The following BMPR1A variants were observed in gnomAD, a reference collection of about 807,000 sequenced individuals.
BMPR1A encodes bone morphogenetic protein receptor type-1A.
BMPR1A carries 7 observed loss-of-function variants against 66.0 expected under a neutral mutation model. The observed-to-expected ratio is 0.11, with a 90% CI of 0.06 to 0.20. BMPR1A has a LOEUF of 0.20. Among genes scored for constraint, BMPR1A ranks in the 10% least tolerant of loss-of-function variants. BMPR1A has a pLI of 1.00. For missense variants in BMPR1A, 408 were observed against 669.1 expected (o/e 0.61, Z 4.31); for synonymous variants, 200 against 229.7 (o/e 0.87, Z 1.17).
chr10:86,868,299 T>C (rs530774880), intron 2 of BMPR1A, among the ~76,000 whole-genome samples: 1 of 152,358 alleles, frequency 6.6e-6, no homozygotes, highest in African/African-American at 2.4e-5. Context: ...AGGGTTTATG[T>C]TTAGATTTGC....
At chr10:86,895,365 C>T (rs569718725) in intron 5 of BMPR1A, among the ~76,000 whole-genome samples, 1 of 152,016 alleles carries the variant, frequency 6.6e-6, no homozygotes, top group East Asian at 1.9e-4. Context: ...TGGCGACACC[C>T]CGTCTCTACT....
chr10:86,766,048 G>A (rs1447406416), intron 1 of BMPR1A, among the ~76,000 whole-genome samples: 1 of 148,514 alleles, frequency 6.7e-6, no homozygotes, highest in Non-Finnish European at 1.5e-5. Context: ...TGGTGCTGTG[G>A]TGCAAACAGC....
chr10:86,901,164 C>T lies in BMPR1A; in HGVS notation c.530+1038C>T, dbSNP rs75428295. The stretch of plus-strand genomic sequence containing the variant: ...TGCCAATACCCAGCCTGCAGCCTGT[C>T]GGCCTTGGAAGTGAGCCACCTTGGA... On this transcript the variant is annotated intron_variant, in intron 7 of 12. Transcript: ENST00000372037. 2.3e-3 allele frequency among the ~76,000 whole-genome samples: 347 copies of T among 152,310 alleles called. 2 individuals are homozygous for T. Among genetic ancestry groups the T allele is most frequent in the African/African-American group, 7.8e-3 (325 of 41,562 alleles).
At chr10:86,919,135 G>A (rs2133588502) in intron 9 of BMPR1A, 37 bp from the exon 10 acceptor site, 1 of 1,611,590 alleles carries the variant, frequency 6.2e-7, no homozygotes. Context: ...GCCTATCTCT[G>A]ATGATAACTA....
At chr10:86,890,393 ATGAT>A (rs1205125826) in intron 4 of BMPR1A, among the ~76,000 whole-genome samples, 169 bp downstream of exon 4, 2 of 152,126 alleles carry the variant, frequency 1.3e-5, no homozygotes, top group South Asian at 2.1e-4. Flanking sequence ...ATTCCATTAA[ATGAT>A]TGATAGGTGA....
At chr10:86,864,051 G>C (rs1224590374) in intron 2 of BMPR1A, among the ~76,000 whole-genome samples, 2 of 152,116 alleles carry the variant, frequency 1.3e-5, no homozygotes, top group Non-Finnish European at 2.9e-5. Context: ...TGACCAGCTG[G>C]AACTACAAAG....
intron 1 of BMPR1A, among the ~76,000 whole-genome samples, chr10:86,832,897 G>T (rs1323002987): frequency 1.3e-5 from 2 of 152,114 alleles, no homozygotes; most frequent in Non-Finnish European, 2.9e-5. Context: ...CTTTGTGTGG[G>T]CACATATTTC....
intron 2 of BMPR1A, among the ~76,000 whole-genome samples, chr10:86,869,770 A>G (rs1842831265): frequency 1.3e-5 from 2 of 151,858 alleles, no homozygotes. Flanking sequence ...AAAAAAAAAA[A>G]GAATTGTTGA....
At position 86,876,055 on chromosome 10, in the gene BMPR1A, G is replaced by A. The variant is rs200115604; in HGVS notation, c.37G>A (p.Ala13Thr). ...QLYIYIRLLG[A>T]YLFIISRVQG... ...ATACATTTACATCAGATTATTGGGA[G>A]CCTATTTGTTCATCATTTCTCGTGT... Residue 13 changes from alanine (A) to threonine (T), a missense_variant, in exon 3 of 13, where the codon GCC becomes ACC. By Grantham distance (58) the Ala-to-Thr change is moderately conservative. This residue lies in a region of BMPR1A where 68 missense variants were observed against 83.0 expected (regional missense o/e 0.82). Transcript: ENST00000372037. 1.2e-6 allele frequency: 2 copies of A among 1,612,032 alleles called. No individual in the cohort carries two copies. Among genetic ancestry groups the A allele is most frequent in the East Asian group, 2.2e-5 (1 of 44,824 alleles).
chr10:86,811,423 T>C (rs1018289749), intron 1 of BMPR1A, among the ~76,000 whole-genome samples: 3 of 152,204 alleles, frequency 2.0e-5, no homozygotes, highest in Non-Finnish European at 4.4e-5. Flanking sequence ...TCTTAATATG[T>C]CTTCTAAGTC....
At chr10:86,910,177 A>AC (rs1172958441) in intron 7 of BMPR1A, among the ~76,000 whole-genome samples, 1 of 152,070 alleles carries the variant, frequency 6.6e-6, no homozygotes, top group East Asian at 1.9e-4. Context: ...TACTAAAAAA[A>AC]AATACAAAAA....
rs370010513 is a variant in BMPR1A at position 86,810,745 on chromosome 10, T to C, written c.-267-28120T>C. Among the ~76,000 whole-genome samples, 3 of 152,246 alleles carry C rather than the reference T, an allele frequency of 2.0e-5. No individual in the cohort carries two copies. The East Asian group carries it at 5.8e-4, about 29-fold the overall frequency. On this transcript the variant is annotated intron_variant, in intron 1 of 12. Transcript: ENST00000372037. ...CTGAGATTCTTTGCTCATTTTTAAC[T>C]GGGTTATTTCTCTTTTTATTGTTGA...
At chr10:86,855,651 C>A in intron 2 of BMPR1A, 1 of 685,044 alleles carries the variant, frequency 1.5e-6, no homozygotes, top group Admixed American at 2.2e-5. Context: ...GCAGCTTTCT[C>A]CTGAGTATCT....
chr10:86,869,342 C>T (rs1410162730), intron 2 of BMPR1A, among the ~76,000 whole-genome samples: 1 of 151,670 alleles, frequency 6.6e-6, no homozygotes, highest in African/African-American at 2.4e-5. Context: ...CCTGTAGTCC[C>T]AGCTACTCCG....
intron 5 of BMPR1A, among the ~76,000 whole-genome samples, chr10:86,896,244 A>AC (rs1165856654): frequency 2.0e-5 from 3 of 151,890 alleles, no homozygotes; most frequent in Admixed American, 1.3e-4. Context: ...AGATCATGCA[A>AC]CTCCACTCTA....
At chr10:86,821,424 C>A (rs1275780739) in intron 1 of BMPR1A, among the ~76,000 whole-genome samples, 1 of 152,018 alleles carries the variant, frequency 6.6e-6, no homozygotes, top group Non-Finnish European at 1.5e-5. Flanking sequence ...CTTGTTCTGC[C>A]GTCATTAAGC....
intron 2 of BMPR1A, chr10:86,856,234 T>TG (rs1325121786): frequency 1.9e-6 from 1 of 523,304 alleles, no homozygotes; most frequent in Non-Finnish European, 3.8e-6. Flanking sequence ...GTAATGAACT[T>TG]CCCCTTTTAG....
At chr10:86,775,580 C>T (rs894119473) in intron 1 of BMPR1A, among the ~76,000 whole-genome samples, 10 of 151,964 alleles carry the variant, frequency 6.6e-5, no homozygotes, top group African/African-American at 2.2e-4. Flanking sequence ...TTTCTGGAGA[C>T]CTGAGGTCTA....
At chr10:86,882,476 A>G (rs1484726849) in intron 3 of BMPR1A, among the ~76,000 whole-genome samples, 2 of 152,074 alleles carry the variant, frequency 1.3e-5, no homozygotes, top group Admixed American at 6.6e-5. Flanking sequence ...TATATATGTA[A>G]ATGAATAGAA....
Sources: gnomAD v4.1 joint callset for allele counts (sites outside exome capture counted in the v4.1 genomes callset) on GRCh38, gnomAD v4.1.1 for gene constraint, gnomAD v4.1.1 regional missense constraint, MANE v1.5 for transcripts, NCBI Gene and HGNC (gene_info 2026-07-23, HGNC 2026-07-21) for gene names.